The following ANKRD6 variants were observed in gnomAD, a reference collection of about 807,000 sequenced individuals.
The protein encoded by ANKRD6 is ankyrin repeat domain 6, also known as ankyrin repeat domain-containing protein 6.
In ANKRD6, 56 loss-of-function variants were observed where a neutral mutation model predicts 82.3. The observed-to-expected ratio is 0.68, with a 90% CI of 0.55 to 0.85. The LOEUF is 0.85. Ranked by LOEUF, ANKRD6 falls within the 40% of genes least tolerant of loss-of-function variation. The pLI is 0.00. For missense variants in ANKRD6, 852 were observed against 907.6 expected (o/e 0.94, Z 0.79); for synonymous variants, 347 against 352.1 (o/e 0.99, Z 0.16).
intron 2 of ANKRD6, among the ~76,000 whole-genome samples, chr6:89,577,507 G>A (rs1280144712): frequency 8.0e-6 from 1 of 125,046 alleles, no homozygotes; most frequent in African/African-American, 2.8e-5. Flanking sequence ...TTTGTCATCT[G>A]GATAAATCCT....
chr6:89,533,974 C>T (rs1449579792), intron 1 of ANKRD6, among the ~76,000 whole-genome samples: 1 of 152,026 alleles, frequency 6.6e-6, no homozygotes, highest in Non-Finnish European at 1.5e-5. Context: ...GGCTGTCTTC[C>T]CAAGGTGACT....
intron 2 of ANKRD6, among the ~76,000 whole-genome samples, chr6:89,572,200 A>G (rs949186381): frequency 2.0e-5 from 3 of 152,194 alleles, no homozygotes; most frequent in Admixed American, 1.3e-4. Flanking sequence ...GTTGCTTCCC[A>G]ATTTTGGTAA....
chr6:89,441,895 G>T (rs1262421351), intron 1 of ANKRD6, among the ~76,000 whole-genome samples: 1 of 152,048 alleles, frequency 6.6e-6, no homozygotes, highest in Admixed American at 6.6e-5. Flanking sequence ...GCTTCTCAAA[G>T]TGTTGGGATT....
At chr6:89,564,245 G>C (rs1365693001) in intron 1 of ANKRD6, among the ~76,000 whole-genome samples, 2 of 152,104 alleles carry the variant, frequency 1.3e-5, no homozygotes, top group African/African-American at 4.8e-5. Context: ...TCTGGAGGCT[G>C]CTCTGTGGGT....
chr6:89,591,699 A>G (rs1393496516), intron 2 of ANKRD6, among the ~76,000 whole-genome samples: 1 of 152,166 alleles, frequency 6.6e-6, no homozygotes, highest in Non-Finnish European at 1.5e-5. Context: ...AACCAAGTAC[A>G]TGTCTGCTGC....
At chr6:89,524,123 C>A (rs1385620389) in intron 1 of ANKRD6, among the ~76,000 whole-genome samples, 1 of 152,040 alleles carries the variant, frequency 6.6e-6, no homozygotes, top group Non-Finnish European at 1.5e-5. Flanking sequence ...GCTCTTTCTG[C>A]TGTTTTGTTT....
At chr6:89,499,917 A>G (rs746183862) in intron 1 of ANKRD6, among the ~76,000 whole-genome samples, 5 of 152,118 alleles carry the variant, frequency 3.3e-5, no homozygotes, top group Non-Finnish European at 5.9e-5. Flanking sequence ...CTGCAAACCA[A>G]AGAGTAATGG....
At chr6:89,496,962 CAGCCAA>C (rs1407550988) in intron 1 of ANKRD6, among the ~76,000 whole-genome samples, 4 of 152,220 alleles carry the variant, frequency 2.6e-5, no homozygotes, top group Non-Finnish European at 5.9e-5. Flanking sequence ...TACTTTGCAG[CAGCCAA>C]AGCTTCTACC....
intron 2 of ANKRD6, among the ~76,000 whole-genome samples, chr6:89,568,967 G>A (rs1476388342): frequency 1.4e-5 from 2 of 145,724 alleles, no homozygotes; most frequent in African/African-American, 5.1e-5. Context: ...GTGTCCGTCT[G>A]TTGCCCAGGC....
At chr6:89,449,632 G>A (rs1462962070) in intron 1 of ANKRD6, among the ~76,000 whole-genome samples, 1 of 152,160 alleles carries the variant, frequency 6.6e-6, no homozygotes, top group Non-Finnish European at 1.5e-5. Flanking sequence ...TACCTGCCCA[G>A]TAACGGCATT....
chr6:89,630,552 C>G lies in ANKRD6; in HGVS notation c.1732C>G (p.Leu578Val). Reference protein sequence around the residue: ...STATQRLQQELSSSDCTGSRL... With the variant: ...STATQRLQQEVSSSDCTGSRL... ...TGCTACCCAGAGACTCCAGCAGGAG[C>G]TGTCGTCTTCTGACTGTACAGGCTC... The change falls in exon 16 of 16, where the codon CTG becomes GTG. Residue 578 changes from leucine to valine, a missense_variant. Transcript: ENST00000339746. The G allele has an allele frequency of 6.2e-7, 1 of 1,613,976 alleles. No individual in the cohort carries two copies. Among genetic ancestry groups the G allele is most frequent in the Non-Finnish European group, 8.5e-7 (1 of 1,179,832 alleles).
At position 89,607,799 on chromosome 6, in the gene ANKRD6, C is replaced by T. The variant is rs181110455; in HGVS notation, c.417+1694C>T. The stretch of plus-strand genomic sequence containing the variant: ...GCCTCCTAAGTAGCTGGGCATGTGC[C>T]CCCACGCCCGGCTAATTTTTCCATT... On this transcript the variant is annotated intron_variant, in intron 5 of 15. Coordinates refer to ENST00000339746, the MANE Select transcript of ANKRD6 (RefSeq NM_001242809.2). Among the ~76,000 whole-genome samples, 150 of 151,886 alleles carry T rather than the reference C, an allele frequency of 9.9e-4. 1 individual carries two copies. Among genetic ancestry groups the T allele is most frequent in the Non-Finnish European group, 1.5e-4 (10 of 68,004 alleles).
intron 1 of ANKRD6, among the ~76,000 whole-genome samples, chr6:89,448,761 T>G (rs1284475991): frequency 6.6e-6 from 1 of 152,196 alleles, no homozygotes; most frequent in African/African-American, 2.4e-5. Context: ...CCGGGTGCGG[T>G]GGCTCACGCC....
intron 1 of ANKRD6, among the ~76,000 whole-genome samples, chr6:89,533,417 T>A (rs1783428590): frequency 1.3e-5 from 2 of 152,168 alleles, no homozygotes; most frequent in African/African-American, 4.8e-5. Context: ...CCTAATGAGA[T>A]AAGTAGCCCT....
rs1033750587 is a variant in ANKRD6 at position 89,433,550 on chromosome 6, C to T, written c.-144+175C>T. ...GCCTCGCCCCCTGGCCTGCGGCCTCCGAAAACGCCCGGCGCGAGGGGGTCC... is the reference window on the plus strand; with the variant it reads ...GCCTCGCCCCCTGGCCTGCGGCCTCTGAAAACGCCCGGCGCGAGGGGGTCC... On this transcript the variant is annotated intron_variant, in intron 1 of 15. Coordinates refer to ENST00000339746, the MANE Select transcript of ANKRD6 (RefSeq NM_001242809.2). The surrounding 1 kb of genome is among the most constrained non-coding windows in gnomAD (Gnocchi z 4.3). Among the ~76,000 whole-genome samples, 79 of 152,292 alleles carry T rather than the reference C, an allele frequency of 5.2e-4. No homozygotes were observed. Among genetic ancestry groups the T allele is most frequent in the African/African-American group, 1.8e-3 (76 of 41,564 alleles).
At chr6:89,435,826 T>G (rs1442944581) in intron 1 of ANKRD6, among the ~76,000 whole-genome samples, 2 of 152,256 alleles carry the variant, frequency 1.3e-5, no homozygotes, top group Non-Finnish European at 2.9e-5. Context: ...AGGATTAAGC[T>G]AAGAGTGACC....
At chr6:89,546,644 G>GTTAATTTTGTATTT (rs372170797) in intron 1 of ANKRD6, among the ~76,000 whole-genome samples, 423 of 152,230 alleles carry the variant, frequency 2.8e-3, no homozygotes, top group African/African-American at 9.6e-3. Context: ...TGTATTTTTA[G>GTTAATTTTGTATTT]TAGAGACAGG....
chr6:89,489,152 G>A (rs948959509), intron 1 of ANKRD6, among the ~76,000 whole-genome samples: 1 of 152,106 alleles, frequency 6.6e-6, no homozygotes, highest in Non-Finnish European at 1.5e-5. Context: ...AGTGCCACAG[G>A]GCTGGGCAGG....
chr6:89,457,759 T>C (rs1299233599), intron 1 of ANKRD6, among the ~76,000 whole-genome samples: 1 of 152,228 alleles, frequency 6.6e-6, no homozygotes, highest in Non-Finnish European at 1.5e-5. Context: ...GAGTGAACCC[T>C]AATAAGTTGA....
Sources: allele counts gnomAD v4.1 joint callset (sites outside exome capture counted in the v4.1 genomes callset), GRCh38; gene constraint gnomAD v4.1.1; non-coding constraint Gnocchi (gnomAD v3.1); transcripts MANE v1.5; gene names NCBI Gene and HGNC (gene_info 2026-07-23, HGNC 2026-07-21).